The following CEP162 variants were observed in gnomAD, a reference collection of about 807,000 sequenced individuals.
The protein encoded by CEP162 is centrosomal protein of 162 kDa.
Under a neutral mutation model 169.2 loss-of-function variants are expected in CEP162, and 141 were observed. That is an observed-to-expected ratio of 0.83 (90% CI 0.73 to 0.96). The LOEUF (loss-of-function observed/expected upper bound fraction) is 0.96. Among genes scored for constraint, CEP162 ranks in the 40% least tolerant of loss-of-function variants. The pLI, the probability that CEP162 is intolerant of heterozygous loss-of-function variation, is 0.00. For synonymous variants in CEP162, 540 were observed against 526.4 expected (o/e 1.03, Z -0.35); for missense variants, 1,600 against 1,587.2 (o/e 1.01, Z -0.14).
Position 84,177,190 on chromosome 6 carries a change from C to A in CEP162, c.1664-1843G>T, listed in dbSNP as rs559077575. On this transcript the variant is annotated intron_variant, in intron 13 of 26. Coordinates refer to ENST00000403245, the MANE Select transcript of CEP162 (RefSeq NM_014895.4). ...GACAGTTCTCACCTCCGCCCATCCT[C>A]CAGCCTCATCTCCTCATCCCCTTCC... Among the ~76,000 whole-genome samples the A allele has an allele frequency of 3.3e-5, 5 of 152,292 alleles. No homozygotes were observed. In the East Asian group the frequency reaches 9.7e-4, roughly 30 times the overall value.
chr6:84,226,349 C>G lies in CEP162; in HGVS notation c.45G>C (p.Gln15His), dbSNP rs867858310. 1.2e-5 allele frequency: 18 copies of G among 1,560,782 alleles called. No homozygotes were observed. The highest frequency in any genetic ancestry group is 2.3e-5 in the East Asian group (1 of 42,864). The change falls in exon 2 of 27, where the codon CAG (glutamine) becomes CAC (histidine). Residue 15 changes from glutamine (Q) to histidine (H), a missense_variant. Coordinates refer to ENST00000403245, the MANE Select transcript of CEP162 (RefSeq NM_014895.4). Reference sequence around the variant, plus strand: ...AATATAAACTTACCTCTTTCATAAACTGTTCAAACTCTTCATCTAGCTCTT... The same window carrying G: ...AATATAAACTTACCTCTTTCATAAAGTGTTCAAACTCTTCATCTAGCTCTT... ...SQEELDEEFEQFMKELSDDSF... is the reference protein window; with the variant it reads ...SQEELDEEFEHFMKELSDDSF...
At chr6:84,177,377 A>G (rs1184752807) in intron 13 of CEP162, among the ~76,000 whole-genome samples, 1 of 151,842 alleles carries the variant, frequency 6.6e-6, no homozygotes, top group African/African-American at 2.4e-5. Flanking sequence ...TGCATTTCAG[A>G]GACTTGGAAA....
chr6:84,172,907 G>C (rs1479834521), intron 16 of CEP162, among the ~76,000 whole-genome samples: 1 of 152,162 alleles, frequency 6.6e-6, no homozygotes, highest in Non-Finnish European at 1.5e-5. Flanking sequence ...GTCTTATGTT[G>C]ATTTGAAGAT....
At chr6:84,208,367 T>C (rs2099548117) in intron 6 of CEP162, among the ~76,000 whole-genome samples, 1 of 152,222 alleles carries the variant, frequency 6.6e-6, no homozygotes, top group African/African-American at 2.4e-5. Flanking sequence ...GAACTGATCA[T>C]TTTGGAAACA....
At chr6:84,217,373 C>T (rs2099551971) in intron 3 of CEP162, among the ~76,000 whole-genome samples, 1 of 152,162 alleles carries the variant, frequency 6.6e-6, no homozygotes, top group Non-Finnish European at 1.5e-5. Flanking sequence ...AAGGCTTTCA[C>T]TGAGAAGTTA....
intron 16 of CEP162, 75 bp downstream of exon 16, chr6:84,173,973 C>T: frequency 7.7e-7 from 1 of 1,300,482 alleles, no homozygotes; most frequent in Non-Finnish European, 1.1e-6. Context: ...GCATAAGCCA[C>T]TGTGCCTGGC....
At chr6:84,142,742 T>A (rs1342560317) in intron 25 of CEP162, among the ~76,000 whole-genome samples, 1 of 152,134 alleles carries the variant, frequency 6.6e-6, no homozygotes, top group East Asian at 1.9e-4. Flanking sequence ...ACATTTAAAA[T>A]TAAAGACCTA....
chr6:84,211,458 C>T (rs2099549408), intron 6 of CEP162, among the ~76,000 whole-genome samples: 1 of 134,330 alleles, frequency 7.4e-6, no homozygotes, highest in African/African-American at 2.9e-5. Context: ...GCCCGGGAGG[C>T]GGAGCTTGCA....
chr6:84,174,594 TC>T (rs1397232063), intron 15 of CEP162, 132 bp downstream of exon 15: 1 of 578,546 alleles, frequency 1.7e-6, no homozygotes, highest in African/African-American at 1.9e-5. Context: ...TTGGAACCAT[TC>T]TATATTTTAT....
rs932471907 is a variant in CEP162 at position 84,183,944 on chromosome 6, C to T, written c.1663+1243G>A. Among the ~76,000 whole-genome samples the T allele has an allele frequency of 2.0e-5, 3 of 152,106 alleles. No homozygotes were observed. In the East Asian group the frequency reaches 5.8e-4, roughly 29 times the overall value. Reference sequence around the variant, plus strand: ...CTCCAAAACACCTTTGCCTAATCCTCATGCGCATCTAATGATACTGCTTTC... The same window carrying T: ...CTCCAAAACACCTTTGCCTAATCCTTATGCGCATCTAATGATACTGCTTTC... On this transcript the variant is annotated intron_variant, in intron 13 of 26. Coordinates refer to ENST00000403245, the MANE Select transcript of CEP162 (RefSeq NM_014895.4).
chr6:84,128,780 T>C (rs1167047949), intron 25 of CEP162, among the ~76,000 whole-genome samples: 4 of 152,072 alleles, frequency 2.6e-5, no homozygotes, highest in Admixed American at 2.6e-4. Flanking sequence ...GCCATGATGG[T>C]TTGCTGCACC....
chr6:84,172,935 T>C (rs2099530772), intron 16 of CEP162, among the ~76,000 whole-genome samples: 1 of 152,222 alleles, frequency 6.6e-6, no homozygotes, highest in Non-Finnish European at 1.5e-5. Flanking sequence ...CCTGTCCTGG[T>C]TGACTGTCAG....
rs60580471 is a variant in CEP162 at position 84,133,381 on chromosome 6, T to A, written c.3871-6869A>T. On this transcript the variant is annotated intron_variant, in intron 25 of 26. Transcript: ENST00000403245. ...CATGCTGGGAGAACCACTACTCTCTTCAAAGCTGTCAGATAGGGACGTTTA... is the reference window on the plus strand; with the variant it reads ...CATGCTGGGAGAACCACTACTCTCTACAAAGCTGTCAGATAGGGACGTTTA... Among the ~76,000 whole-genome samples, 955 of 152,298 alleles carry A rather than the reference T, an allele frequency of 6.3e-3. 4 individuals are homozygous for A. The highest frequency in any genetic ancestry group is 0.022 in the African/African-American group (919 of 41,562).
intron 2 of CEP162, among the ~76,000 whole-genome samples, chr6:84,223,050 T>C (rs562963607): frequency 1.3e-5 from 2 of 152,302 alleles, no homozygotes; most frequent in East Asian, 3.9e-4. Flanking sequence ...ATCTGTAACA[T>C]AGGCATGGTA....
intron 25 of CEP162, among the ~76,000 whole-genome samples, chr6:84,134,003 G>T (rs549930451): frequency 2.1e-4 from 32 of 152,280 alleles, no homozygotes; most frequent in South Asian, 4.1e-4. Context: ...TCAGATGGGG[G>T]TTTTTTCTAT....
At chr6:84,206,518 T>G (rs1473533846) in intron 6 of CEP162, among the ~76,000 whole-genome samples, 4 of 152,358 alleles carry the variant, frequency 2.6e-5, no homozygotes, top group Middle Eastern at 3.4e-3. Flanking sequence ...CCTAGCCATA[T>G]GTAGAAAGCT....
chr6:84,164,792 C>T (rs1267664349), intron 18 of CEP162, among the ~76,000 whole-genome samples: 1 of 152,010 alleles, frequency 6.6e-6, no homozygotes, highest in Non-Finnish European at 1.5e-5. Flanking sequence ...CAGCAAACCA[C>T]CATGGCACAT....
chr6:84,226,453 C>G lies in CEP162; in HGVS notation c.-59-1G>C. On this transcript the variant is annotated splice_acceptor_variant, in intron 1 of 26. Coordinates refer to ENST00000403245, the MANE Select transcript of CEP162 (RefSeq NM_014895.4). LOFTEE classifies it low-confidence loss of function (5UTR_SPLICE). The stretch of plus-strand genomic sequence containing the variant: ...TAAAGTACCTCAAACATTGGAAACA[C>G]TAAATGACAAGAGACATAAACATCT... The G allele has an allele frequency of 8.5e-7, 1 of 1,177,808 alleles. No homozygotes were observed. Among genetic ancestry groups the G allele is most frequent in the South Asian group, 1.3e-5 (1 of 76,202 alleles). The allele number at this position is 1,177,808 out of a possible 1,614,324, so 73.0% of individuals were successfully genotyped here.
chr6:84,153,301 T>G, intron 22 of CEP162, 122 bp from the exon 23 acceptor site: 4 of 839,326 alleles, frequency 4.8e-6, no homozygotes, highest in Non-Finnish European at 5.3e-6. Context: ...CATTCTGATG[T>G]CTACAATTCT....
Sources: allele counts gnomAD v4.1 joint callset (sites outside exome capture counted in the v4.1 genomes callset), GRCh38; gene constraint gnomAD v4.1.1; transcripts MANE v1.5; gene names NCBI Gene and HGNC (gene_info 2026-07-23, HGNC 2026-07-21).